Variants in TESK2 observed in about 807,000 individuals in gnomAD.
TESK2 encodes dual specificity testis-specific protein kinase 2.
In TESK2, 39 loss-of-function variants were observed where a neutral mutation model predicts 57.1. The observed-to-expected ratio is 0.68, with a 90% confidence interval of 0.53 to 0.89. TESK2 has a LOEUF of 0.89. Ranked by LOEUF, TESK2 falls within the 40% of genes least tolerant of loss-of-function variation. The pLI is 0.00. For missense variants in TESK2, 646 were observed against 732.1 expected (o/e 0.88, Z 1.36); for synonymous variants, 249 against 267.9 (o/e 0.93, Z 0.69).
intron 2 of TESK2, among the ~76,000 whole-genome samples, chr1:45,451,962 G>C (rs752894125): frequency 2.0e-5 from 3 of 147,230 alleles, no homozygotes; most frequent in Admixed American, 6.9e-5. Context: ...GAATCCGGGA[G>C]GCAGAGGTTG....
intron 4 of TESK2, among the ~76,000 whole-genome samples, chr1:45,368,583 C>T (rs1648046364): frequency 6.6e-6 from 1 of 151,954 alleles, no homozygotes; most frequent in Admixed American, 6.6e-5. Flanking sequence ...CCTTATTGGT[C>T]AGGCTGGTCT....
intron 3 of TESK2, among the ~76,000 whole-genome samples, chr1:45,402,007 C>T (rs531694791): frequency 6.6e-5 from 10 of 150,890 alleles, no homozygotes; most frequent in African/African-American, 2.4e-4. Flanking sequence ...AATGTTAAAA[C>T]GTGGACATAA....
chr1:45,488,275 T>C (rs1326959455), intron 1 of TESK2, among the ~76,000 whole-genome samples: 3 of 152,162 alleles, frequency 2.0e-5, no homozygotes, highest in African/African-American at 4.8e-5. Flanking sequence ...AAGATTCCCA[T>C]GGCCATAATA....
chr1:45,404,703 C>T (rs1393983528), intron 3 of TESK2, among the ~76,000 whole-genome samples: 4 of 151,874 alleles, frequency 2.6e-5, no homozygotes, highest in South Asian at 2.1e-4. Flanking sequence ...GCCACCACGC[C>T]GGGCTATTTT....
chr1:45,423,776 A>G (rs1309602274), intron 2 of TESK2, among the ~76,000 whole-genome samples: 2 of 152,200 alleles, frequency 1.3e-5, no homozygotes, highest in African/African-American at 4.8e-5. Flanking sequence ...TTCGCCCTCT[A>G]TAGAACTCAA....
chr1:45,475,860 C>T (rs752725589), intron 1 of TESK2, among the ~76,000 whole-genome samples: 1 of 152,270 alleles, frequency 6.6e-6, no homozygotes, highest in East Asian at 1.9e-4. Context: ...TGCTTCCTGC[C>T]CAAGAATGTC....
At chr1:45,384,405 AT>A (rs1648791528) in intron 4 of TESK2, among the ~76,000 whole-genome samples, 1 of 150,904 alleles carries the variant, frequency 6.6e-6, no homozygotes, top group Non-Finnish European at 1.5e-5. Context: ...CTATCTATCT[AT>A]CTATCTATCT....
At chr1:45,405,795 C>T (rs906877946) in intron 3 of TESK2, among the ~76,000 whole-genome samples, 2 of 151,638 alleles carry the variant, frequency 1.3e-5, no homozygotes, top group Non-Finnish European at 2.9e-5. Context: ...GATTTTAGCC[C>T]AGCAGGAGGC....
intron 3 of TESK2, among the ~76,000 whole-genome samples, chr1:45,394,729 T>G (rs1472755673): frequency 7.1e-6 from 1 of 140,862 alleles, no homozygotes; most frequent in Admixed American, 7.5e-5. Flanking sequence ...CCGCACTCTG[T>G]TGCCCAGGCT....
At chr1:45,438,571 A>G (rs1485859962) in intron 2 of TESK2, among the ~76,000 whole-genome samples, 8 of 152,226 alleles carry the variant, frequency 5.3e-5, no homozygotes, top group Non-Finnish European at 2.9e-5. Context: ...GTTCAGGAGT[A>G]CACATGCAGA....
At chr1:45,425,829 G>T (rs758396032) in intron 2 of TESK2, among the ~76,000 whole-genome samples, 1 of 151,802 alleles carries the variant, frequency 6.6e-6, no homozygotes, top group Admixed American at 6.6e-5. Context: ...ACCCAGAATC[G>T]CCAAAGCCAT....
chr1:45,464,847 T>A (rs1022917602), intron 1 of TESK2, among the ~76,000 whole-genome samples: 1 of 152,188 alleles, frequency 6.6e-6, no homozygotes, highest in Non-Finnish European at 1.5e-5. Context: ...ACTCCTGTCA[T>A]CCTAGCACTT....
At chr1:45,484,100 T>C (rs1232027088) in intron 1 of TESK2, among the ~76,000 whole-genome samples, 1 of 127,010 alleles carries the variant, frequency 7.9e-6, no homozygotes, top group East Asian at 2.5e-4. Flanking sequence ...CATTTTTAAT[T>C]CTTCTTTTTT....
intron 5 of TESK2, among the ~76,000 whole-genome samples, chr1:45,352,936 G>A (rs1402979439): frequency 2.0e-5 from 3 of 151,020 alleles, no homozygotes; most frequent in Non-Finnish European, 2.9e-5. Context: ...GTCTCGCTCA[G>A]TCGCCAGGCT....
intron 2 of TESK2, among the ~76,000 whole-genome samples, chr1:45,426,629 A>G (rs767512402): frequency 6.6e-6 from 1 of 152,240 alleles, no homozygotes; most frequent in Non-Finnish European, 1.5e-5. Context: ...AAGCTTCTGC[A>G]CAGCAAATGA....
chr1:45,478,721 CT>C (rs772741820), intron 1 of TESK2, among the ~76,000 whole-genome samples: 1,441 of 141,926 alleles, frequency 0.01, 10 homozygotes, highest in African/African-American at 0.026. Context: ...TGGTTTTTAA[CT>C]TTTTTTTTTT....
chr1:45,450,444 C>T (rs928079855), intron 2 of TESK2, among the ~76,000 whole-genome samples: 1 of 151,952 alleles, frequency 6.6e-6, no homozygotes, highest in African/African-American at 2.4e-5. Flanking sequence ...CCCGGGAGGT[C>T]GAGGCTGCAG....
intron 3 of TESK2, among the ~76,000 whole-genome samples, chr1:45,386,996 C>T (rs1269921619): frequency 6.6e-6 from 1 of 152,126 alleles, no homozygotes; most frequent in Non-Finnish European, 1.5e-5. Flanking sequence ...AACCTTTCCC[C>T]CCAGGTCCTC....
At chr1:45,397,840 C>T (rs1377068505) in intron 3 of TESK2, among the ~76,000 whole-genome samples, 1 of 152,134 alleles carries the variant, frequency 6.6e-6, no homozygotes, top group Non-Finnish European at 1.5e-5. Flanking sequence ...ATAACAACAA[C>T]AATAATAGCA....
Sources: allele counts gnomAD v4.1 joint callset (sites outside exome capture counted in the v4.1 genomes callset), GRCh38; gene constraint gnomAD v4.1.1; transcripts MANE v1.5; gene names NCBI Gene and HGNC (gene_info 2026-07-23, HGNC 2026-07-21).